The following OGG1 variants were observed in gnomAD, a reference collection of about 807,000 sequenced individuals.
OGG1 encodes the protein N-glycosylase/DNA lyase.
Under a neutral mutation model 42.3 loss-of-function variants are expected in OGG1, and 35 were observed. The ratio of observed to expected loss-of-function variants is 0.83; its 90% CI spans 0.63 to 1.10. OGG1 has a LOEUF of 1.10. OGG1 is among the 50% of genes least tolerant of loss of function. The pLI is 0.00. For missense variants in OGG1, 484 were observed against 446.7 expected, an observed-to-expected ratio of 1.08 and a Z score of -0.75; for synonymous variants, 189 against 179.0, an observed-to-expected ratio of 1.06 and a Z score of -0.44.
chr3:9,782,996 A>G (rs1465009531), intron 3 of OGG1: 1 of 152,180 alleles, frequency 6.6e-6, no homozygotes, highest in Non-Finnish European at 1.5e-5. Context: ...GATGGATGGG[A>G]GTTGACATCA....
intron 2 of OGG1, among the ~76,000 whole-genome samples, chr3:9,781,085 A>G (rs2078449279): frequency 6.6e-6 from 1 of 152,036 alleles, no homozygotes; most frequent in African/African-American, 2.4e-5. Context: ...AACTATGATC[A>G]TGCCACTACA....
chr3:9,781,051 G>A (rs2078448110), intron 2 of OGG1, among the ~76,000 whole-genome samples: 1 of 152,018 alleles, frequency 6.6e-6, no homozygotes, highest in Admixed American at 6.6e-5. Flanking sequence ...GATTGCTTGA[G>A]GCCAGGAGTT....
At chr3:9,783,069 C>T (rs981477416) in intron 3 of OGG1, 3 of 152,148 alleles carry the variant, frequency 2.0e-5, no homozygotes, top group African/African-American at 7.2e-5. Flanking sequence ...TGGTCAATTT[C>T]TTGTGATGAG....
rs1345516901 is a variant in OGG1, at chr3:9,757,331, G to A, written c.*181G>A. 6 of 1,614,058 alleles carry A rather than the reference G, an allele frequency of 3.7e-6. No individual in the cohort carries two copies. The highest frequency in any genetic ancestry group is 5.1e-6 in the Non-Finnish European group (6 of 1,180,046). The stretch of plus-strand genomic sequence containing the variant: ...CAAGATGGGGTGGGGGATATTGAGG[G>A]AGACAGCGCTAAGGATGGTTTTATC... On this transcript the variant is annotated 3_prime_UTR_variant, in exon 7 of 7. Coordinates refer to ENST00000344629, the MANE Select transcript of OGG1 (RefSeq NM_002542.6). This position sits in a 1 kb window ranked among gnomAD's most constrained non-coding sequence, Gnocchi z 4.5.
At chr3:9,783,304 TAAG>T (rs993908754) in intron 3 of OGG1, 1 of 151,834 alleles carries the variant, frequency 6.6e-6, no homozygotes, top group African/African-American at 2.4e-5. Context: ...TAAAAATGGT[TAAG>T]AAGCGTAAAT....
chr3:9,787,158 C>G, intron 3 of OGG1: 1 of 1,614,170 alleles, frequency 6.2e-7, no homozygotes, highest in Non-Finnish European at 8.5e-7. Flanking sequence ...TTCTGGAATT[C>G]AAGTCCTGAC....
intron 5 of OGG1, 30 bp from the exon 6 acceptor site, chr3:9,756,737 G>T: frequency 1.2e-6 from 2 of 1,614,180 alleles, no homozygotes; most frequent in Non-Finnish European, 1.7e-6. Context: ...GAAGGGGTCA[G>T]ATAACTTAGT....
intron 3 of OGG1, among the ~76,000 whole-genome samples, chr3:9,784,419 T>C (rs938771161): frequency 2.6e-5 from 4 of 152,112 alleles, no homozygotes; most frequent in Admixed American, 1.3e-4. Context: ...ATTCAAAAAA[T>C]ATGGAAAAAC....
At chr3:9,756,685 A>C (rs996018968) in intron 5 of OGG1, 64 bp downstream of exon 5, 1 of 1,612,892 alleles carries the variant, frequency 6.2e-7, no homozygotes, top group South Asian at 1.1e-5. Flanking sequence ...TCTCTCTCTT[A>C]GTCACCTCTC....
At chr3:9,774,147 C>G (rs1162544942) in intron 2 of OGG1, among the ~76,000 whole-genome samples, 1 of 152,194 alleles carries the variant, frequency 6.6e-6, no homozygotes, top group African/African-American at 2.4e-5. Context: ...TGGTGACTCA[C>G]TCCTGAATCC....
chr3:9,766,316 G>T (rs73113550), exon 8 of OGG1: 2 of 695,006 alleles, frequency 2.9e-6, no homozygotes, highest in Admixed American at 2.0e-5. Context: ...CCATGCCTGA[G>T]GTCTACCCCT....
downstream of OGG1, chr3:9,759,072 C>T (rs2077722623): frequency 1.1e-6 from 1 of 870,548 alleles, no homozygotes; most frequent in South Asian, 1.3e-5. Context: ...AAATTGGGCT[C>T]CTGCCTCTCA....
At chr3:9,783,837 C>T in intron 3 of OGG1, 2 of 1,040,950 alleles carry the variant, frequency 1.9e-6, no homozygotes, top group Non-Finnish European at 1.3e-6. Context: ...GCCTGAGCCC[C>T]ACTCTGTGGA....
chr3:9,784,961 G>A (rs1296017292), intron 3 of OGG1, among the ~76,000 whole-genome samples: 1 of 151,772 alleles, frequency 6.6e-6, no homozygotes, highest in East Asian at 1.9e-4. Flanking sequence ...TTCTCCACTT[G>A]TCACTCTATA....
chr3:9,782,342 A>G (rs2078495416), intron 3 of OGG1, among the ~76,000 whole-genome samples: 1 of 152,180 alleles, frequency 6.6e-6, no homozygotes, highest in Non-Finnish European at 1.5e-5. Context: ...TCAGCAGAGC[A>G]TTTCGCTTCA....
chr3:9,756,659 G>C (rs879127434), intron 5 of OGG1, 38 bp downstream of exon 5: 1 of 1,612,380 alleles, frequency 6.2e-7, no homozygotes, highest in Non-Finnish European at 8.5e-7. Flanking sequence ...CAGTGGGCTG[G>C]GATGGTAGAA....
chr3:9,753,950 C>A (rs2077423831), intron 3 of OGG1, among the ~76,000 whole-genome samples: 1 of 152,086 alleles, frequency 6.6e-6, no homozygotes, highest in African/African-American at 2.4e-5. Context: ...CCAGCCTGGG[C>A]AACATAGTGA....
At chr3:9,787,483 C>A (rs970826018) in intron 3 of OGG1, 2 of 1,257,976 alleles carry the variant, frequency 1.6e-6, no homozygotes, top group Non-Finnish European at 2.2e-6. Flanking sequence ...TAAGAAAGTA[C>A]AACGAAGATA....
chr3:9,758,070 T>C (rs370036205), downstream of OGG1: 3 of 576,104 alleles, frequency 5.2e-6, no homozygotes, highest in South Asian at 2.8e-5. Context: ...TATATATAAA[T>C]AGAAACATAA....
Sources: gnomAD v4.1 joint callset for allele counts (sites outside exome capture counted in the v4.1 genomes callset) on GRCh38, gnomAD v4.1.1 for gene constraint, Gnocchi (gnomAD v3.1) non-coding constraint, MANE v1.5 for transcripts, NCBI Gene and HGNC (gene_info 2026-07-23, HGNC 2026-07-21) for gene names.